The following CAPZB variants were observed in gnomAD, a reference collection of about 807,000 sequenced individuals.
The protein encoded by CAPZB is capping actin protein of muscle Z-line subunit beta, also known as F-actin-capping protein subunit beta.
CAPZB carries 2 observed loss-of-function variants against 38.1 expected under a neutral mutation model. That is an observed-to-expected ratio of 0.05 (90% confidence interval 0.02 to 0.17). The LOEUF is 0.17. CAPZB is among the 10% of genes least tolerant of loss of function. The pLI is 1.00. For missense variants in CAPZB, 161 were observed against 334.2 expected (o/e 0.48, Z 4.04); for synonymous variants, 107 against 127.4 (o/e 0.84, Z 1.08).
intron 2 of CAPZB, among the ~76,000 whole-genome samples, chr1:19,403,930 T>A (rs2094316422): frequency 6.6e-6 from 1 of 152,164 alleles, no homozygotes; most frequent in Non-Finnish European, 1.5e-5. Context: ...CCCTGTCACA[T>A]GCCCTACTTA....
intron 6 of CAPZB, among the ~76,000 whole-genome samples, chr1:19,346,433 T>C (rs1200266784): frequency 8.5e-5 from 3 of 35,284 alleles, no homozygotes; most frequent in Admixed American, 3.0e-4. Context: ...TAAAATAAAA[T>C]AAAATTTGTG....
intron 2 of CAPZB, among the ~76,000 whole-genome samples, chr1:19,413,603 GGA>G (rs1558239838): frequency 6.6e-6 from 1 of 151,978 alleles, no homozygotes; most frequent in Non-Finnish European, 1.5e-5. Context: ...CAAAGTGCTG[GGA>G]TTATAAGTGT....
intron 2 of CAPZB, among the ~76,000 whole-genome samples, chr1:19,392,869 G>A (rs1279051393): frequency 6.6e-6 from 1 of 152,220 alleles, no homozygotes; most frequent in Non-Finnish European, 1.5e-5. Flanking sequence ...AAGAGCACAT[G>A]CTGGGAAAGG....
chr1:19,470,110 T>G lies in CAPZB; in HGVS notation c.3+15326A>C, dbSNP rs1314670445. ...AGAGCAAATCTGCAGTCCCAGCTAC[T>G]CGGGAGGCTGAGGCAAGAGGACTGC... On this transcript the variant is annotated intron_variant, in intron 1 of 8. Transcript: ENST00000264202. 8.5e-5 allele frequency among the ~76,000 whole-genome samples: 13 copies of G among 152,238 alleles called. No individual in the cohort carries two copies. In the East Asian group the frequency reaches 2.3e-3, roughly 27 times the overall value.
At chr1:19,481,684 C>G (rs908570914) in intron 1 of CAPZB, among the ~76,000 whole-genome samples, 1 of 152,132 alleles carries the variant, frequency 6.6e-6, no homozygotes, top group Non-Finnish European at 1.5e-5. Context: ...TGCAGAGGAG[C>G]GGACTGCGTG....
Position 19,338,812 on chromosome 1 carries a change from T to C in CAPZB, c.*718A>G, listed in dbSNP as rs544114230. On this transcript the variant is annotated 3_prime_UTR_variant, in exon 9 of 9. Coordinates refer to ENST00000264202, the MANE Select transcript of CAPZB (RefSeq NM_004930.5). The stretch of plus-strand genomic sequence containing the variant: ...AGTTTCTTTTTATTGATTTCTTTTC[T>C]TTTCTTTTTTTAAGTATGGAGGCTC... 1.3e-5 allele frequency: 2 copies of C among 152,652 alleles called. No homozygotes were observed. Among genetic ancestry groups the C allele is most frequent in the Admixed American group, 6.5e-5 (1 of 15,314 alleles). 9.5% of individuals were successfully genotyped at this position (152,652 alleles called of 1,614,324 possible).
intron 6 of CAPZB, among the ~76,000 whole-genome samples, chr1:19,350,402 C>A (rs192389654): frequency 6.6e-6 from 1 of 152,380 alleles, no homozygotes; most frequent in East Asian, 1.9e-4. Flanking sequence ...ACAGCTCCAT[C>A]CCCAGCACTC....
At chr1:19,460,289 T>G (rs916711882) in intron 1 of CAPZB, among the ~76,000 whole-genome samples, 16 of 152,152 alleles carry the variant, frequency 1.1e-4, no homozygotes, top group African/African-American at 3.6e-4. Context: ...TTGTTTGTTT[T>G]TTTATGAGAC....
intron 4 of CAPZB, among the ~76,000 whole-genome samples, chr1:19,361,908 G>A (rs1365358490): frequency 1.3e-5 from 2 of 152,186 alleles, no homozygotes; most frequent in African/African-American, 4.8e-5. Context: ...TTTCAATAAG[G>A]TGGCTCTACC....
intron 4 of CAPZB, among the ~76,000 whole-genome samples, chr1:19,358,251 C>T (rs1398748753): frequency 6.6e-6 from 1 of 152,236 alleles, no homozygotes; most frequent in Non-Finnish European, 1.5e-5. Flanking sequence ...GATTCTCCTG[C>T]CTCAACCTCC....
intron 1 of CAPZB, chr1:19,420,266 G>A (rs962291603): frequency 6.5e-6 from 1 of 152,962 alleles, no homozygotes; most frequent in Non-Finnish European, 1.5e-5. Context: ...TCATTCAATA[G>A]AAACTTAGGA....
chr1:19,339,579 G>A lies in CAPZB; in HGVS notation c.770C>T (p.Ala257Val). 6.2e-7 allele frequency: 1 copy of A among 1,614,138 alleles called. No individual in the cohort carries two copies. The highest frequency in any genetic ancestry group is 8.5e-7 in the Non-Finnish European group (1 of 1,179,922). The change falls in exon 9 of 9, where the codon GCT (alanine) becomes GTT (valine). Residue 257 changes from alanine to valine, a missense_variant. Physicochemically the swap from Ala to Val is moderately conservative, Grantham distance 64. Transcript: ENST00000264202. ...AGCCTCCACCAGGTCATTCTTCAGA[G>A]CTTCTTGTTTTGATTTGTCTGCAAA... ...QTFADKSKQE[A>V]LKNDLVEALK...
At chr1:19,459,931 G>C (rs1459177886) in intron 1 of CAPZB, among the ~76,000 whole-genome samples, 7 of 152,156 alleles carry the variant, frequency 4.6e-5, no homozygotes, top group African/African-American at 1.7e-4. Context: ...TGCAGTCCTT[G>C]TGTTCAAGTC....
intron 8 of CAPZB, among the ~76,000 whole-genome samples, chr1:19,340,890 G>C (rs571870474): frequency 1.2e-4 from 18 of 152,266 alleles, no homozygotes; most frequent in African/African-American, 4.3e-4. Context: ...TGCTCAAGAA[G>C]AGTGCTACGG....
At chr1:19,362,502 G>A (rs1247337253) in intron 4 of CAPZB, among the ~76,000 whole-genome samples, 2 of 152,110 alleles carry the variant, frequency 1.3e-5, no homozygotes, top group Admixed American at 6.5e-5. Flanking sequence ...TTACAGGCGT[G>A]AGCCACCACG....
Position 19,357,357 on chromosome 1 carries a change from G to T in CAPZB, c.471+65C>A. On this transcript the variant is annotated intron_variant, in intron 5 of 8. Coordinates refer to ENST00000264202, the MANE Select transcript of CAPZB (RefSeq NM_004930.5). The surrounding 1 kb of genome is among the most constrained non-coding windows in gnomAD (Gnocchi z 4.3). ...CCTACTGCATCTGTTAGAGAGCAGC[G>T]CGGCACTGGTTGGTGTGCCATCTGT... 1.4e-6 allele frequency: 2 copies of T among 1,450,046 alleles called. No homozygotes were observed. Among genetic ancestry groups the T allele is most frequent in the Non-Finnish European group, 1.9e-6 (2 of 1,035,270 alleles). The allele number at this position is 1,450,046 out of a possible 1,614,324, so 89.8% of individuals were successfully genotyped here.
chr1:19,342,747 G>C, intron 8 of CAPZB: 3 of 1,587,218 alleles, frequency 1.9e-6, no homozygotes, highest in African/African-American at 1.3e-5. Context: ...TCTCAGGCAG[G>C]GTACCTGGAT....
intron 1 of CAPZB, among the ~76,000 whole-genome samples, chr1:19,447,104 T>TG (rs1446754250): frequency 6.6e-6 from 1 of 151,992 alleles, no homozygotes; most frequent in East Asian, 1.9e-4. Context: ...CCCCAGGAGG[T>TG]GTGCCCATCC....
chr1:19,429,344 G>C (rs893773373), intron 1 of CAPZB, among the ~76,000 whole-genome samples: 4 of 151,954 alleles, frequency 2.6e-5, no homozygotes, highest in African/African-American at 9.7e-5. Flanking sequence ...GGGGTCCAGA[G>C]TCACAGCCCA....
Sources: gnomAD v4.1 joint callset for allele counts (sites outside exome capture counted in the v4.1 genomes callset) on GRCh38, gnomAD v4.1.1 for gene constraint, Gnocchi (gnomAD v3.1) non-coding constraint, MANE v1.5 for transcripts, NCBI Gene and HGNC (gene_info 2026-07-23, HGNC 2026-07-21) for gene names.